RIMS1: variants seen among roughly 807,000 people sequenced by gnomAD.
RIMS1 encodes regulating synaptic membrane exocytosis protein 1.
In RIMS1, 83 loss-of-function variants were observed where a neutral mutation model predicts 214.1. That is an observed-to-expected ratio of 0.39 (90% confidence interval 0.32 to 0.47). The LOEUF (loss-of-function observed/expected upper bound fraction) is 0.47, where lower values mean the gene tolerates loss of function less well. Among genes scored for constraint, RIMS1 ranks in the 20% least tolerant of loss-of-function variants. The pLI is 0.99. For synonymous variants in RIMS1, 793 were observed against 786.8 expected, an observed-to-expected ratio of 1.01 and a Z score of -0.13; for missense variants, 2,050 against 2,161.8, an observed-to-expected ratio of 0.95 and a Z score of 1.03.
chr6:71,911,118 G>A (rs143106587), intron 1 of RIMS1, among the ~76,000 whole-genome samples: 8 of 152,064 alleles, frequency 5.3e-5, no homozygotes, highest in South Asian at 2.1e-4. Flanking sequence ...ATCATAGTAC[G>A]TCCCACACAG....
intron 23 of RIMS1, among the ~76,000 whole-genome samples, chr6:72,279,357 C>T (rs1419165900): frequency 1.3e-5 from 2 of 152,034 alleles, no homozygotes; most frequent in East Asian, 3.9e-4. Context: ...TTTACTCTAG[C>T]TTTGATTTAA....
chr6:72,163,798 CT>C (rs149502111), intron 4 of RIMS1, among the ~76,000 whole-genome samples: 121,590 of 135,834 alleles, frequency 0.9, 55,942 homozygotes, highest in East Asian at 1. Context: ...CCCCTACTGG[CT>C]GGGGGGGGGG....
intron 26 of RIMS1, among the ~76,000 whole-genome samples, chr6:72,298,000 G>T (rs2094268653): frequency 6.6e-6 from 1 of 151,966 alleles, no homozygotes; most frequent in Non-Finnish European, 1.5e-5. Flanking sequence ...AAGCCAAGGG[G>T]TTCATTAGGG....
chr6:72,138,403 A>T (rs903814356), intron 4 of RIMS1, among the ~76,000 whole-genome samples: 4 of 152,150 alleles, frequency 2.6e-5, no homozygotes, highest in African/African-American at 9.7e-5. Flanking sequence ...ATTAATCCTC[A>T]TTCCTCTCCC....
chr6:72,397,616 G>A (rs962275098), intron 31 of RIMS1, among the ~76,000 whole-genome samples: 16 of 152,114 alleles, frequency 1.1e-4, no homozygotes, highest in African/African-American at 2.9e-4. Flanking sequence ...ACAAGAATGC[G>A]TACAAGAATT....
At chr6:72,089,732 C>T (rs920293225) in intron 2 of RIMS1, among the ~76,000 whole-genome samples, 14 of 148,868 alleles carry the variant, frequency 9.4e-5, no homozygotes, top group African/African-American at 2.7e-4. Flanking sequence ...ATGTTTATTG[C>T]GGCATTATTC....
At chr6:72,335,526 TA>T (rs1198415867) in intron 29 of RIMS1, among the ~76,000 whole-genome samples, 1 of 152,074 alleles carries the variant, frequency 6.6e-6, no homozygotes, top group African/African-American at 2.4e-5. Context: ...GGTGTTGGAA[TA>T]AACATACATG....
intron 4 of RIMS1, among the ~76,000 whole-genome samples, chr6:72,119,861 T>G (rs1247524792): frequency 6.6e-6 from 1 of 151,650 alleles, no homozygotes; most frequent in Non-Finnish European, 1.5e-5. Flanking sequence ...TGTCCAAGTA[T>G]TCTCATTGTT....
chr6:72,276,812 C>T (rs1020114696), intron 23 of RIMS1, among the ~76,000 whole-genome samples: 1 of 152,164 alleles, frequency 6.6e-6, no homozygotes, highest in Non-Finnish European at 1.5e-5. Flanking sequence ...CTTGGCAAAT[C>T]GTAATGAACG....
intron 6 of RIMS1, among the ~76,000 whole-genome samples, chr6:72,186,973 T>A (rs2153975782): frequency 6.6e-6 from 1 of 152,094 alleles, no homozygotes; most frequent in Admixed American, 6.5e-5. Context: ...TCTACTAAAA[T>A]ACAAAAAATT....
chr6:72,227,520 C>G (rs937783359), intron 6 of RIMS1, among the ~76,000 whole-genome samples: 5 of 151,888 alleles, frequency 3.3e-5, no homozygotes, highest in Non-Finnish European at 5.9e-5. Flanking sequence ...AGAGTTGTGT[C>G]ATGGTGGTGT....
At chr6:72,127,676 C>T (rs528786984) in intron 4 of RIMS1, among the ~76,000 whole-genome samples, 1 of 152,206 alleles carries the variant, frequency 6.6e-6, no homozygotes, top group East Asian at 1.9e-4. Flanking sequence ...GAAGCTGAGG[C>T]CCTGTTCCTC....
chr6:71,893,414 T>C (rs1770595722), intron 1 of RIMS1, among the ~76,000 whole-genome samples: 1 of 152,024 alleles, frequency 6.6e-6, no homozygotes, highest in African/African-American at 2.4e-5. Flanking sequence ...TAAAAGGCAA[T>C]CCTAATTCAA....
At chr6:72,218,948 G>A (rs1211864177) in intron 6 of RIMS1, among the ~76,000 whole-genome samples, 1 of 152,152 alleles carries the variant, frequency 6.6e-6, no homozygotes, top group African/African-American at 2.4e-5. Context: ...CTGTTTATTA[G>A]TGCATAGTTA....
chr6:72,135,256 T>G (rs1325178645), intron 4 of RIMS1, among the ~76,000 whole-genome samples: 1 of 151,956 alleles, frequency 6.6e-6, no homozygotes, highest in East Asian at 1.9e-4. Flanking sequence ...CAATAGAAAA[T>G]TATTACAAAG....
intron 29 of RIMS1, among the ~76,000 whole-genome samples, chr6:72,345,398 T>C (rs2097224794): frequency 6.6e-6 from 1 of 151,724 alleles, no homozygotes; most frequent in Admixed American, 6.6e-5. Flanking sequence ...AATTATTACA[T>C]GCCAACCAGT....
intron 29 of RIMS1, among the ~76,000 whole-genome samples, chr6:72,373,094 A>G (rs1339559042): frequency 6.6e-6 from 1 of 152,200 alleles, no homozygotes; most frequent in Non-Finnish European, 1.5e-5. Flanking sequence ...TAAGGGTTTA[A>G]CCTTACTGCA....
chr6:71,968,599 C>T (rs1028065529), intron 1 of RIMS1, among the ~76,000 whole-genome samples: 5 of 152,152 alleles, frequency 3.3e-5, no homozygotes, highest in African/African-American at 1.2e-4. Context: ...TAGCAAAAGT[C>T]ACAGAATATC....
In RIMS1 at chr6:72,226,130, C is replaced by T. The variant is rs74675004; in HGVS notation, c.1679-7643C>T. Among the ~76,000 whole-genome samples the T allele has an allele frequency of 4.2e-4, 64 of 152,036 alleles. 1 individual carries two copies. The East Asian group carries it at 0.01, about 24-fold the overall frequency. On this transcript the variant is annotated intron_variant, in intron 6 of 33. Coordinates refer to ENST00000521978, the MANE Select transcript of RIMS1 (RefSeq NM_014989.7). The stretch of plus-strand genomic sequence containing the variant: ...ATCCTAAGGCACTAAGTTGTGTGCG[C>T]ATGCATGTGTGTGTATGTGTTTGTG...
Sources: gnomAD v4.1 joint callset for allele counts (sites outside exome capture counted in the v4.1 genomes callset) on GRCh38, gnomAD v4.1.1 for gene constraint, MANE v1.5 for transcripts, NCBI Gene and HGNC (gene_info 2026-07-23, HGNC 2026-07-21) for gene names.